SPAG16: variants seen among roughly 807,000 people sequenced by gnomAD.
SPAG16 encodes sperm-associated antigen 16 protein.
A neutral mutation model predicts 80.4 loss-of-function variants in SPAG16; 86 were observed. The ratio of observed to expected loss-of-function variants is 1.07; its 90% CI spans 0.90 to 1.28. The LOEUF (loss-of-function observed/expected upper bound fraction) is 1.28. Among genes scored for constraint, SPAG16 ranks in the 50% most tolerant of loss-of-function variants. SPAG16 has a pLI of 0.00. For synonymous variants in SPAG16, 294 were observed against 265.9 expected (o/e 1.11, Z -1.03); for missense variants, 870 against 765.3 (o/e 1.14, Z -1.61).
chr2:213,785,951 G>T (rs1291028959), intron 10 of SPAG16, among the ~76,000 whole-genome samples: 4 of 148,842 alleles, frequency 2.7e-5, no homozygotes, highest in Admixed American at 6.7e-5. Flanking sequence ...AGTTTGCAGT[G>T]AGCCGAGATC....
intron 9 of SPAG16, among the ~76,000 whole-genome samples, chr2:213,457,433 C>A (rs918511707): frequency 6.6e-6 from 1 of 152,052 alleles, no homozygotes; most frequent in African/African-American, 2.4e-5. Context: ...ACACTTTGTT[C>A]GGTATTATTT....
intron 9 of SPAG16, among the ~76,000 whole-genome samples, chr2:213,470,245 G>A (rs1420544033): frequency 6.6e-6 from 1 of 152,176 alleles, no homozygotes; most frequent in Non-Finnish European, 1.5e-5. Context: ...AGCTGCTTCA[G>A]GATGATGGGG....
At chr2:213,310,791 A>C (rs2063156488) in intron 4 of SPAG16, among the ~76,000 whole-genome samples, 1 of 151,844 alleles carries the variant, frequency 6.6e-6, no homozygotes, top group Non-Finnish European at 1.5e-5. Context: ...TTATAATAAT[A>C]ATGTCACCAG....
chr2:213,424,426 A>G (rs2069782761), intron 9 of SPAG16, among the ~76,000 whole-genome samples: 1 of 152,200 alleles, frequency 6.6e-6, no homozygotes, highest in Admixed American at 6.5e-5. Context: ...ATATGAAAAG[A>G]TGGACACATT....
intron 10 of SPAG16, among the ~76,000 whole-genome samples, chr2:213,631,006 G>A (rs2062130928): frequency 6.6e-6 from 1 of 152,160 alleles, no homozygotes; most frequent in South Asian, 2.1e-4. Context: ...CTTAGGAGGT[G>A]CCCTGGAGGA....
intron 9 of SPAG16, among the ~76,000 whole-genome samples, chr2:213,419,767 C>T (rs954875392): frequency 6.6e-6 from 1 of 151,812 alleles, no homozygotes; most frequent in Non-Finnish European, 1.5e-5. Context: ...AGGTTTTGAA[C>T]CAAAAGTATG....
At chr2:213,606,798 A>G (rs149497812) in intron 10 of SPAG16, among the ~76,000 whole-genome samples, 1 of 152,350 alleles carries the variant, frequency 6.6e-6, no homozygotes, top group East Asian at 1.9e-4. Flanking sequence ...TAATTCTAGC[A>G]TCATCCATAC....
intron 15 of SPAG16, among the ~76,000 whole-genome samples, chr2:214,332,397 C>T (rs907456939): frequency 3.3e-5 from 5 of 152,214 alleles, no homozygotes; most frequent in African/African-American, 1.2e-4. Flanking sequence ...GTTCCTGGCA[C>T]CACAGCTACT....
intron 10 of SPAG16, among the ~76,000 whole-genome samples, chr2:213,526,576 C>T (rs1326179098): frequency 6.6e-6 from 1 of 152,142 alleles, no homozygotes; most frequent in Non-Finnish European, 1.5e-5. Context: ...CTTTTGGCAG[C>T]ACCTTAAGAA....
intron 6 of SPAG16, among the ~76,000 whole-genome samples, chr2:213,346,868 G>T (rs2065024400): frequency 6.6e-6 from 1 of 152,056 alleles, no homozygotes; most frequent in Non-Finnish European, 1.5e-5. Context: ...GTCTCTGCCA[G>T]GCTTTGGTAT....
At chr2:214,368,763 A>G (rs1699637432) in intron 15 of SPAG16, among the ~76,000 whole-genome samples, 1 of 152,142 alleles carries the variant, frequency 6.6e-6, no homozygotes, top group South Asian at 2.1e-4. Flanking sequence ...ACAGAAATTC[A>G]AGTCAGTTTA....
chr2:213,377,899 ATATATTTTTT>A (rs1380293276), intron 9 of SPAG16, among the ~76,000 whole-genome samples: 180 of 17,866 alleles, frequency 0.01, 1 homozygote, highest in Middle Eastern at 0.031. Flanking sequence ...ATATATATAT[ATATATTTTTT>A]TTTTTTTTTC....
chr2:213,600,662 T>C (rs1449105382), intron 10 of SPAG16, among the ~76,000 whole-genome samples: 2 of 152,212 alleles, frequency 1.3e-5, no homozygotes, highest in Non-Finnish European at 2.9e-5. Context: ...TGTATTAGTT[T>C]GTAGAAGTGT....
chr2:213,673,168 C>A (rs143785591), intron 10 of SPAG16, among the ~76,000 whole-genome samples: 1 of 152,106 alleles, frequency 6.6e-6, no homozygotes, highest in Non-Finnish European at 1.5e-5. Context: ...TATCAGACTG[C>A]CACAGCATTT....
intron 10 of SPAG16, among the ~76,000 whole-genome samples, chr2:213,547,150 C>T (rs1308975823): frequency 1.1e-4 from 16 of 152,014 alleles, no homozygotes; most frequent in Admixed American, 1.0e-3. Context: ...AAATCATTAT[C>T]AGAAGATAAC....
chr2:213,777,341 G>A (rs1285693639), intron 10 of SPAG16, among the ~76,000 whole-genome samples: 2 of 139,072 alleles, frequency 1.4e-5, no homozygotes, highest in Non-Finnish European at 3.0e-5. Context: ...CCACCTCCCA[G>A]GTTCAAGAGA....
At chr2:213,310,532 A>G (rs1331896269) in intron 4 of SPAG16, among the ~76,000 whole-genome samples, 4 of 151,940 alleles carry the variant, frequency 2.6e-5, no homozygotes, top group Non-Finnish European at 5.9e-5. Context: ...TTGTATAATT[A>G]TTGAGAGTAT....
intron 9 of SPAG16, among the ~76,000 whole-genome samples, chr2:213,465,525 G>A (rs918064339): frequency 2.0e-5 from 3 of 152,186 alleles, no homozygotes; most frequent in Admixed American, 2.0e-4. Flanking sequence ...TTCTCTGGGA[G>A]GGAGGTGGCT....
At chr2:213,433,436 T>G (rs905501889) in intron 9 of SPAG16, among the ~76,000 whole-genome samples, 9 of 152,224 alleles carry the variant, frequency 5.9e-5, no homozygotes, top group Admixed American at 2.0e-4. Flanking sequence ...CAAAAATCTG[T>G]AGCATTTCTC....
Sources: gnomAD v4.1 joint callset for allele counts (sites outside exome capture counted in the v4.1 genomes callset) on GRCh38, gnomAD v4.1.1 for gene constraint, MANE v1.5 for transcripts, NCBI Gene and HGNC (gene_info 2026-07-23, HGNC 2026-07-21) for gene names.